TENM2: variants seen among roughly 807,000 people sequenced by gnomAD.
TENM2 encodes teneurin transmembrane protein 2.
TENM2 carries 52 observed loss-of-function variants against 245.2 expected under a neutral mutation model. That is an observed-to-expected ratio of 0.21 (90% CI 0.17 to 0.27). The LOEUF is 0.27. TENM2 is among the 10% of genes least tolerant of loss of function. TENM2 has a pLI of 1.00. For missense variants in TENM2, 3,046 were observed against 3,666.8 expected, an observed-to-expected ratio of 0.83 and a Z score of 4.37; for synonymous variants, 1,363 against 1,438.9, an observed-to-expected ratio of 0.95 and a Z score of 1.19.
At chr5:167,902,278 G>C (rs1775765826) in intron 3 of TENM2, among the ~76,000 whole-genome samples, 1 of 152,164 alleles carries the variant, frequency 6.6e-6, no homozygotes, top group South Asian at 2.1e-4. Context: ...TCAAAGCAAA[G>C]TGTAAAAAGT....
the TENM2 span, among the ~76,000 whole-genome samples, chr5:167,213,343 G>A: frequency 6.6e-6 from 1 of 152,170 alleles, no homozygotes; most frequent in Admixed American, 6.5e-5. Flanking sequence ...TACAAGATGG[G>A]TGTCTGGTGG....
the TENM2 span, among the ~76,000 whole-genome samples, chr5:167,119,066 G>A: frequency 6.6e-6 from 1 of 152,186 alleles, no homozygotes; most frequent in African/African-American, 2.4e-5. Context: ...TTCACTCCCT[G>A]TGAACTGTGT....
At position 168,247,448 on chromosome 5, in the gene TENM2, C is replaced by G; in HGVS notation, c.6509C>G (p.Ser2170Cys). The change falls in exon 27 of 29, where the codon TCC becomes TGC. Residue 2170 changes from serine to cysteine, a missense_variant. Ser to Cys is a moderately radical substitution (Grantham distance 112). Transcript: ENST00000518659. The surrounding 1 kb of genome is among the most constrained non-coding windows in gnomAD (Gnocchi z 7.8). Reference sequence around the variant, plus strand: ...GAGGTCCAGTATGAGATGTTCCGGTCCCTCATGTACTGGATGACGGTGCAA... The same window carrying G: ...GAGGTCCAGTATGAGATGTTCCGGTGCCTCATGTACTGGATGACGGTGCAA... The G allele has an allele frequency of 6.2e-7, 1 of 1,612,912 alleles. No homozygotes were observed. The highest frequency in any genetic ancestry group is 8.5e-7 in the Non-Finnish European group (1 of 1,179,114).
the TENM2 span, among the ~76,000 whole-genome samples, chr5:167,033,869 T>C: frequency 1.6e-4 from 25 of 152,226 alleles, no homozygotes; most frequent in Admixed American, 8.5e-4. Flanking sequence ...TCAACATGTG[T>C]GACTCAATAA....
At chr5:167,504,337 C>T (rs985153138) in intron 2 of TENM2, among the ~76,000 whole-genome samples, 2 of 152,118 alleles carry the variant, frequency 1.3e-5, no homozygotes, top group Non-Finnish European at 2.9e-5. Context: ...CTACTACCAA[C>T]CACTGTTACA....
intron 2 of TENM2, among the ~76,000 whole-genome samples, chr5:167,543,907 G>T (rs1184282057): frequency 6.6e-6 from 1 of 152,140 alleles, no homozygotes; most frequent in Admixed American, 6.5e-5. Context: ...CATAAGTCAT[G>T]TTGGATAAAC....
At chr5:168,001,881 A>G (rs760684896) in intron 5 of TENM2, among the ~76,000 whole-genome samples, 1 of 152,250 alleles carries the variant, frequency 6.6e-6, no homozygotes, top group Non-Finnish European at 1.5e-5. Flanking sequence ...TATCATTACC[A>G]TAAAAAAGAA....
At chr5:167,486,239 A>G (rs904972915) in intron 2 of TENM2, among the ~76,000 whole-genome samples, 1 of 152,188 alleles carries the variant, frequency 6.6e-6, no homozygotes, top group African/African-American at 2.4e-5. Flanking sequence ...GGATATAAAT[A>G]AAACAATAGA....
At chr5:167,902,156 A>G (rs920176050) in intron 3 of TENM2, among the ~76,000 whole-genome samples, 11 of 152,120 alleles carry the variant, frequency 7.2e-5, no homozygotes, top group African/African-American at 2.2e-4. Flanking sequence ...GTGTTTGTGC[A>G]TGAGAGTGGA....
At chr5:168,012,991 T>C (rs1015836499) in intron 5 of TENM2, among the ~76,000 whole-genome samples, 21 of 152,146 alleles carry the variant, frequency 1.4e-4, no homozygotes, top group Non-Finnish European at 2.5e-4. Flanking sequence ...TAAGGATGTC[T>C]GATGCAGCTC....
chr5:168,207,930 C>T (rs901418803), intron 19 of TENM2, among the ~76,000 whole-genome samples: 8 of 152,272 alleles, frequency 5.3e-5, no homozygotes, highest in Middle Eastern at 3.4e-3. Flanking sequence ...TTATCACCTG[C>T]GTGCTCTGAT....
At chr5:167,833,149 T>G (rs966952942) in intron 2 of TENM2, among the ~76,000 whole-genome samples, 9 of 152,154 alleles carry the variant, frequency 5.9e-5, no homozygotes, top group African/African-American at 1.2e-4. Flanking sequence ...TTTTATACAT[T>G]TATTTATTAT....
At chr5:168,086,634 T>A (rs1451987652) in intron 7 of TENM2, among the ~76,000 whole-genome samples, 1 of 152,200 alleles carries the variant, frequency 6.6e-6, no homozygotes, top group Non-Finnish European at 1.5e-5. Flanking sequence ...GATTTGGTCA[T>A]GTGCCTCCTA....
At chr5:167,136,841 G>T in the TENM2 span, among the ~76,000 whole-genome samples, 1 of 152,194 alleles carries the variant, frequency 6.6e-6, no homozygotes, top group South Asian at 2.1e-4. Context: ...TTATCCAAGG[G>T]TGTTGAATAT....
chr5:168,250,337 G>A (rs1046379831), intron 27 of TENM2, among the ~76,000 whole-genome samples: 1 of 152,068 alleles, frequency 6.6e-6, no homozygotes, highest in African/African-American at 2.4e-5. Flanking sequence ...GCCCCAAAGG[G>A]CTAACTTTCA....
intron 3 of TENM2, among the ~76,000 whole-genome samples, chr5:167,903,825 A>G (rs574201977): frequency 6.6e-6 from 1 of 152,318 alleles, no homozygotes; most frequent in South Asian, 2.1e-4. Flanking sequence ...AATGTTGGCT[A>G]AGTGCTGATG....
chr5:167,506,576 A>G (rs60910718), intron 2 of TENM2, among the ~76,000 whole-genome samples: 4,054 of 152,322 alleles, frequency 0.027, 189 homozygotes, highest in African/African-American at 0.081. Flanking sequence ...AGACTCAGCA[A>G]TCAAGTCAGA....
chr5:167,850,059 C>T (rs1474658625), intron 2 of TENM2, among the ~76,000 whole-genome samples: 1 of 152,184 alleles, frequency 6.6e-6, no homozygotes, highest in African/African-American at 2.4e-5. Flanking sequence ...AAAGTCCCAA[C>T]ACTCTAATCA....
intron 15 of TENM2, among the ~76,000 whole-genome samples, chr5:168,196,183 A>T (rs1761414330): frequency 6.6e-6 from 1 of 152,160 alleles, no homozygotes; most frequent in Non-Finnish European, 1.5e-5. Context: ...TCTGGCGAAG[A>T]GTCTGGCCTT....
Sources: allele counts gnomAD v4.1 joint callset (sites outside exome capture counted in the v4.1 genomes callset), GRCh38; gene constraint gnomAD v4.1.1; non-coding constraint Gnocchi (gnomAD v3.1); transcripts MANE v1.5; gene names NCBI Gene and HGNC (gene_info 2026-07-23, HGNC 2026-07-21).